Variants in WDPCP observed in about 807,000 individuals in gnomAD.
The protein encoded by WDPCP is WD repeat containing planar cell polarity effector.
A neutral mutation model predicts 93.1 loss-of-function variants in WDPCP; 71 were observed. The observed-to-expected ratio is 0.76, with a 90% CI of 0.63 to 0.93. The LOEUF (loss-of-function observed/expected upper bound fraction) is 0.93. Among genes scored for constraint, WDPCP ranks in the 40% least tolerant of loss-of-function variants. The pLI, the probability that WDPCP is intolerant of heterozygous loss-of-function variation, is 0.00. For synonymous variants in WDPCP, 315 were observed against 315.0 expected (o/e 1.00, Z 0.00); for missense variants, 844 against 887.4 (o/e 0.95, Z 0.62).
rs191956848 is a variant in WDPCP, at chr2:63,641,201, T to C, written n.488+9458A>G. On this transcript the variant is annotated intron_variant and non_coding_transcript_variant, in intron 3 of 4. Coordinates refer to the WDPCP transcript ENST00000467687. ...TCCATTGTGTATATGTACCACATTT[T>C]ATTTATCCATTCATCTGTTGAGGGA... 8.6e-4 allele frequency among the ~76,000 whole-genome samples: 131 copies of C among 152,362 alleles called. 1 individual carries two copies. The highest frequency in any genetic ancestry group is 1.1e-3 in the Non-Finnish European group (78 of 68,024).
intron 1 of WDPCP, among the ~76,000 whole-genome samples, chr2:63,531,561 AC>A (rs1443375107): frequency 6.6e-6 from 1 of 152,174 alleles, no homozygotes. Context: ...CACTGGTGCT[AC>A]CCAGGTAAAC....
chr2:63,570,885 T>C (rs754110759), intron 1 of WDPCP, among the ~76,000 whole-genome samples: 12 of 152,122 alleles, frequency 7.9e-5, no homozygotes, highest in East Asian at 1.9e-4. Flanking sequence ...ACTTACACTT[T>C]ATGAAACTTT....
chr2:63,751,776 C>T, intron 2 of WDPCP: 1 of 619,874 alleles, frequency 1.6e-6, no homozygotes, highest in Admixed American at 1.9e-5. Context: ...AAAGTATTGG[C>T]CTCCAACACC....
chr2:63,489,404 T>C (rs1700743253), intron 2 of WDPCP, among the ~76,000 whole-genome samples: 1 of 152,074 alleles, frequency 6.6e-6, no homozygotes, highest in Non-Finnish European at 1.5e-5. Context: ...TATACATAGA[T>C]ACATACATTC....
chr2:63,138,767 T>C (rs1670831224), intron 17 of WDPCP, among the ~76,000 whole-genome samples: 1 of 152,150 alleles, frequency 6.6e-6, no homozygotes, highest in African/African-American at 2.4e-5. Context: ...GTAAGTTCTT[T>C]AGTGATGATT....
intron 12 of WDPCP, among the ~76,000 whole-genome samples, chr2:63,365,116 G>A (rs1237018972): frequency 6.6e-6 from 1 of 152,124 alleles, no homozygotes; most frequent in Non-Finnish European, 1.5e-5. Flanking sequence ...GTACTGACTT[G>A]GAATGGGTGG....
At chr2:63,703,583 T>A (rs1479803279) in intron 2 of WDPCP, among the ~76,000 whole-genome samples, 2 of 151,990 alleles carry the variant, frequency 1.3e-5, no homozygotes, top group African/African-American at 4.8e-5. Context: ...TTTGTTTTGT[T>A]TTGTTTTGTT....
intron 15 of WDPCP, among the ~76,000 whole-genome samples, chr2:63,156,245 C>T (rs904265758): frequency 9.2e-5 from 14 of 151,922 alleles, no homozygotes; most frequent in South Asian, 2.1e-4. Flanking sequence ...TCATGTGATC[C>T]GCCCTCCTAG....
At chr2:63,721,770 C>T (rs1224584073) in intron 2 of WDPCP, among the ~76,000 whole-genome samples, 1 of 149,456 alleles carries the variant, frequency 6.7e-6, no homozygotes, top group Non-Finnish European at 1.5e-5. Context: ...TCTCTTTCCA[C>T]GGTCTCCCTC....
In WDPCP at chr2:63,439,789, A is replaced by G; in HGVS notation, c.467T>C (p.Val156Ala). The G allele has an allele frequency of 6.2e-7, 1 of 1,613,220 alleles. No homozygotes were observed. Among genetic ancestry groups the G allele is most frequent in the Non-Finnish European group, 8.5e-7 (1 of 1,179,366 alleles). ...GATGGTGTCTGAGATGAGCTTCCCC[A>G]CCAGGCTTCTGTCAATCACCACTTT... ...LEKVVIDRSL[V>A]GKLISDTISD... The change falls in exon 7 of 18, where the codon GTG becomes GCG. Residue 156 changes from valine to alanine, a missense_variant. Coordinates refer to ENST00000272321, the MANE Select transcript of WDPCP (RefSeq NM_015910.7).
At chr2:63,524,287 G>C (rs1340255407) in intron 1 of WDPCP, among the ~76,000 whole-genome samples, 1 of 98,088 alleles carries the variant, frequency 1.0e-5, no homozygotes, top group Admixed American at 1.1e-4. Flanking sequence ...AACCAAAAAA[G>C]AATAGCCAAA....
At chr2:63,568,662 A>C (rs533107823) in intron 1 of WDPCP, among the ~76,000 whole-genome samples, 1 of 152,326 alleles carries the variant, frequency 6.6e-6, no homozygotes, top group Admixed American at 6.5e-5. Context: ...ATGGGACCTC[A>C]CATTTTGTAT....
chr2:63,135,274 G>A (rs371449213), intron 17 of WDPCP, among the ~76,000 whole-genome samples: 1 of 152,228 alleles, frequency 6.6e-6, no homozygotes, highest in Non-Finnish European at 1.5e-5. Flanking sequence ...AATTAGCCAA[G>A]CACTGTCAGA....
chr2:63,252,978 A>C (rs1254325274), intron 14 of WDPCP, among the ~76,000 whole-genome samples: 1 of 152,194 alleles, frequency 6.6e-6, no homozygotes, highest in Non-Finnish European at 1.5e-5. Flanking sequence ...CATGAAGAAC[A>C]GAGCTGGAGG....
intron 12 of WDPCP, among the ~76,000 whole-genome samples, chr2:63,322,001 A>G (rs888079937): frequency 5.3e-5 from 8 of 152,180 alleles, no homozygotes; most frequent in Non-Finnish European, 8.8e-5. Flanking sequence ...CACTGAAGCT[A>G]TTACTGAGAG....
chr2:63,196,250 C>T (rs1675427153), intron 14 of WDPCP, among the ~76,000 whole-genome samples: 1 of 152,158 alleles, frequency 6.6e-6, no homozygotes, highest in East Asian at 1.9e-4. Context: ...TGTTGAATTG[C>T]TTGATATGTA....
intron 1 of WDPCP, among the ~76,000 whole-genome samples, chr2:63,522,203 G>A (rs534955015): frequency 6.6e-6 from 1 of 151,580 alleles, no homozygotes; most frequent in Non-Finnish European, 1.5e-5. Context: ...CCCCCGGCAG[G>A]TGATGTTCCC....
At chr2:63,681,061 C>T (rs1322414625) in intron 2 of WDPCP, among the ~76,000 whole-genome samples, 1 of 152,114 alleles carries the variant, frequency 6.6e-6, no homozygotes, top group Non-Finnish European at 1.5e-5. Flanking sequence ...ACAGCATGGG[C>T]CTTGGGTGAG....
chr2:63,679,299 T>C (rs76056472), intron 2 of WDPCP, among the ~76,000 whole-genome samples: 2,132 of 152,244 alleles, frequency 0.014, 53 homozygotes, highest in African/African-American at 0.049. Flanking sequence ...CATGGAGTCA[T>C]GGAATTAATC....
Sources: gnomAD v4.1 joint callset for allele counts (sites outside exome capture counted in the v4.1 genomes callset) on GRCh38, gnomAD v4.1.1 for gene constraint, MANE v1.5 for transcripts, NCBI Gene and HGNC (gene_info 2026-07-23, HGNC 2026-07-21) for gene names.